ZNF536: variants seen among roughly 807,000 people sequenced by gnomAD.
The protein encoded by ZNF536 is zinc finger protein 536.
Under a neutral mutation model 84.5 loss-of-function variants are expected in ZNF536, and 13 were observed. The observed-to-expected ratio is 0.15, with a 90% CI of 0.10 to 0.24. ZNF536 has a LOEUF of 0.24. Ranked by LOEUF, ZNF536 falls within the 10% of genes least tolerant of loss-of-function variation. The pLI is 1.00. For synonymous variants in ZNF536, 811 were observed against 742.5 expected, an observed-to-expected ratio of 1.09 and a Z score of -1.50; for missense variants, 1,536 against 1,747.5, an observed-to-expected ratio of 0.88 and a Z score of 2.16.
chr19:30,347,535 C>G (rs2047786036), intron 2 of ZNF536, among the ~76,000 whole-genome samples: 1 of 152,208 alleles, frequency 6.6e-6, no homozygotes, highest in South Asian at 2.1e-4. Flanking sequence ...CATTTATGAT[C>G]TCCATTCTAC....
chr19:30,227,552 A>C (rs1195695827), upstream of ZNF536, among the ~76,000 whole-genome samples: 4 of 152,228 alleles, frequency 2.6e-5, no homozygotes, highest in East Asian at 7.8e-4. Context: ...TCACTTTAGC[A>C]GAAAATACGG....
intron 2 of ZNF536, among the ~76,000 whole-genome samples, chr19:30,467,517 G>C (rs529533886): frequency 6.6e-6 from 1 of 152,234 alleles, no homozygotes; most frequent in African/African-American, 2.4e-5. Context: ...CAATTCATCT[G>C]CTGATGGTGT....
intron 1 of ZNF536, among the ~76,000 whole-genome samples, chr19:30,703,761 G>A (rs1307218858): frequency 1.3e-5 from 2 of 152,150 alleles, no homozygotes; most frequent in South Asian, 2.1e-4. Flanking sequence ...ACCAGCAGCC[G>A]ACATCTTGGA....
intron 1 of ZNF536, among the ~76,000 whole-genome samples, chr19:30,397,857 G>A (rs574220712): frequency 1.7e-4 from 26 of 152,336 alleles, no homozygotes; most frequent in African/African-American, 6.3e-4. Flanking sequence ...GAAGGAGAGA[G>A]AGAAAGAGAG....
chr19:30,293,848 A>C (rs2045917020), intron 2 of ZNF536, among the ~76,000 whole-genome samples: 2 of 152,218 alleles, frequency 1.3e-5, no homozygotes, highest in Admixed American at 6.5e-5. Context: ...AAATACTGGA[A>C]GAAGGGGTGA....
chr19:30,227,439 G>A (rs967119110), upstream of ZNF536, among the ~76,000 whole-genome samples: 1 of 152,216 alleles, frequency 6.6e-6, no homozygotes, highest in Admixed American at 6.5e-5. Context: ...CGGGGTCTCA[G>A]CCCCGCGTGC....
At chr19:30,229,278 GACAGGGTC>G (rs1339977209) in intron 1 of ZNF536, among the ~76,000 whole-genome samples, 2 of 151,960 alleles carry the variant, frequency 1.3e-5, no homozygotes, top group Non-Finnish European at 2.9e-5. Context: ...CTTTGCTAAA[GACAGGGTC>G]ACCGAGAGAT....
intron 2 of ZNF536, among the ~76,000 whole-genome samples, chr19:30,528,493 A>G (rs1013201016): frequency 6.6e-6 from 1 of 152,180 alleles, no homozygotes; most frequent in Non-Finnish European, 1.5e-5. Flanking sequence ...GACTCTTCTT[A>G]GTCAATTTCT....
chr19:30,429,812 A>T (rs1276051858), intron 1 of ZNF536, among the ~76,000 whole-genome samples: 1 of 152,184 alleles, frequency 6.6e-6, no homozygotes, highest in Admixed American at 6.5e-5. Flanking sequence ...GAGAATGCTG[A>T]AAGTAGCTAG....
At chr19:30,681,719 C>T (rs541109195) in intron 1 of ZNF536, among the ~76,000 whole-genome samples, 16 of 152,280 alleles carry the variant, frequency 1.1e-4, no homozygotes, top group Non-Finnish European at 1.9e-4. Flanking sequence ...AGGCTGGTGC[C>T]GAGCAGCCTC....
At chr19:30,469,210 C>T (rs1052155846) in intron 2 of ZNF536, among the ~76,000 whole-genome samples, 2 of 152,122 alleles carry the variant, frequency 1.3e-5, no homozygotes, top group Non-Finnish European at 2.9e-5. Context: ...GTCAGGAGGT[C>T]GAGACCATCC....
rs193298376 is a variant in ZNF536 at position 30,361,263 on chromosome 19, G to C, written c.-3+8779G>C. 4.6e-3 allele frequency among the ~76,000 whole-genome samples: 702 copies of C among 152,362 alleles called. 4 individuals are homozygous for C. Among genetic ancestry groups the C allele is most frequent in the Middle Eastern group, 0.014 (4 of 294 alleles). ...ACTCTCCCTGTGTGCCTGGGCGACA[G>C]CTTCTCCTTTTCTGGAATCCTTGAT... On this transcript the variant is annotated intron_variant, in intron 3 of 5. Transcript: ENST00000585628.
At chr19:30,284,373 C>G (rs73924287) in intron 2 of ZNF536, among the ~76,000 whole-genome samples, 3 of 152,330 alleles carry the variant, frequency 2.0e-5, no homozygotes, top group African/African-American at 4.8e-5. Context: ...CAAAGCCCAA[C>G]AAGGGTGACT....
At chr19:30,547,776 A>T (rs1169943141) in intron 3 of ZNF536, among the ~76,000 whole-genome samples, 167 bp from the exon 4 acceptor site, 1 of 152,232 alleles carries the variant, frequency 6.6e-6, no homozygotes. Flanking sequence ...CAAAATCATT[A>T]AAAAAGCTTA....
At chr19:30,498,962 C>T (rs1035919709) in intron 2 of ZNF536, among the ~76,000 whole-genome samples, 2 of 152,042 alleles carry the variant, frequency 1.3e-5, no homozygotes, top group African/African-American at 4.8e-5. Context: ...CCATTTGAGC[C>T]TTTAGGTGAC....
intron 1 of ZNF536, among the ~76,000 whole-genome samples, chr19:30,569,587 T>C (rs1473724793): frequency 3.7e-5 from 5 of 136,786 alleles, no homozygotes; most frequent in African/African-American, 1.4e-4. Context: ...TTTTTTTTTT[T>C]TTGAGACAGA....
At chr19:30,384,715 T>C (rs1336835370) in intron 1 of ZNF536, among the ~76,000 whole-genome samples, 1 of 152,168 alleles carries the variant, frequency 6.6e-6, no homozygotes, top group Admixed American at 6.5e-5. Flanking sequence ...GGAATAGGGG[T>C]ACCAAATGGT....
At chr19:30,458,447 GTTTTT>G (rs3084731) in intron 2 of ZNF536, among the ~76,000 whole-genome samples, 3 of 83,490 alleles carry the variant, frequency 3.6e-5, no homozygotes, top group African/African-American at 1.7e-4. Context: ...ATTTCCTGCT[GTTTTT>G]TTTTTTTTTT....
intron 2 of ZNF536, among the ~76,000 whole-genome samples, chr19:30,333,740 A>G (rs1174470610): frequency 1.3e-5 from 2 of 152,146 alleles, no homozygotes; most frequent in East Asian, 3.9e-4. Flanking sequence ...CACCAGCCGG[A>G]CCCCACGGAG....
Sources: allele counts gnomAD v4.1 joint callset (sites outside exome capture counted in the v4.1 genomes callset), GRCh38; gene constraint gnomAD v4.1.1; transcripts MANE v1.5; gene names NCBI Gene and HGNC (gene_info 2026-07-23, HGNC 2026-07-21).